The following PITPNC1 variants were observed in gnomAD, a reference collection of about 807,000 sequenced individuals.
PITPNC1 encodes phosphatidylinositol transfer protein cytoplasmic 1, also known as cytoplasmic phosphatidylinositol transfer protein 1.
In PITPNC1, 18 loss-of-function variants were observed where a neutral mutation model predicts 44.7. The ratio of observed to expected loss-of-function variants is 0.40; its 90% CI spans 0.28 to 0.60. The LOEUF (loss-of-function observed/expected upper bound fraction) is 0.60, where lower values mean the gene tolerates loss of function less well. PITPNC1 is among the 20% of genes least tolerant of loss of function. PITPNC1 has a pLI of 0.39. For synonymous variants in PITPNC1, 141 were observed against 149.6 expected (o/e 0.94, Z 0.42); for missense variants, 290 against 418.4 (o/e 0.69, Z 2.68).
At chr17:67,481,585 C>G (rs1000543193) in intron 1 of PITPNC1, among the ~76,000 whole-genome samples, 4 of 152,100 alleles carry the variant, frequency 2.6e-5, no homozygotes, top group Admixed American at 1.3e-4. Flanking sequence ...GCGATTCCCC[C>G]ACCTTGGCCT....
chr17:67,489,153 T>C (rs1445105732), intron 1 of PITPNC1, among the ~76,000 whole-genome samples: 1 of 152,172 alleles, frequency 6.6e-6, no homozygotes, highest in African/African-American at 2.4e-5. Flanking sequence ...GACTCCTTTT[T>C]TAAAAAAGAA....
intron 5 of PITPNC1, among the ~76,000 whole-genome samples, chr17:67,588,106 C>T (rs894318228): frequency 1.3e-5 from 2 of 152,144 alleles, no homozygotes; most frequent in Non-Finnish European, 2.9e-5. Context: ...CAGGTTCAAA[C>T]GATTCTATTG....
rs370285721 is a variant in PITPNC1, at chr17:67,628,187, G to A, written c.367-3956G>A. 4.6e-4 allele frequency among the ~76,000 whole-genome samples: 70 copies of A among 152,184 alleles called. No individual in the cohort carries two copies. In the South Asian group the frequency reaches 0.014, roughly 30 times the overall value. ...CTAAGTGCTGGGATTACAGGTGTAAGCCACTGCGGCCAGCTGACAGCCTAT... is the reference window on the plus strand; with the variant it reads ...CTAAGTGCTGGGATTACAGGTGTAAACCACTGCGGCCAGCTGACAGCCTAT... On this transcript the variant is annotated intron_variant, in intron 5 of 8. Coordinates refer to ENST00000581322, the MANE Select transcript of PITPNC1 (RefSeq NM_012417.4).
chr17:67,660,000 C>A (rs1045412938), intron 6 of PITPNC1, among the ~76,000 whole-genome samples: 3 of 152,278 alleles, frequency 2.0e-5, no homozygotes, highest in African/African-American at 7.2e-5. Flanking sequence ...TGTGCCTCAG[C>A]CTCCCAAGTA....
At chr17:67,681,873 C>T (rs2042715534) in intron 8 of PITPNC1, among the ~76,000 whole-genome samples, 1 of 151,754 alleles carries the variant, frequency 6.6e-6, no homozygotes, top group Non-Finnish European at 1.5e-5. Context: ...AACTTATGAC[C>T]CAGCCAATCC....
intron 1 of PITPNC1, among the ~76,000 whole-genome samples, chr17:67,460,802 C>A (rs374512523): frequency 2.1e-5 from 3 of 141,970 alleles, no homozygotes; most frequent in African/African-American, 7.9e-5. Context: ...TGGAATGCAG[C>A]GGCGCGACGG....
At chr17:67,442,152 T>A (rs1487716864) in intron 1 of PITPNC1, among the ~76,000 whole-genome samples, 1 of 143,660 alleles carries the variant, frequency 7.0e-6, no homozygotes, top group Non-Finnish European at 1.5e-5. Flanking sequence ...ATTGCTATGT[T>A]GATTGCACTG....
intron 1 of PITPNC1, among the ~76,000 whole-genome samples, chr17:67,516,967 C>T (rs1242118821): frequency 1.4e-5 from 2 of 147,526 alleles, no homozygotes; most frequent in African/African-American, 2.5e-5. Context: ...CACCCCCCAC[C>T]AACAACAGTA....
At chr17:67,427,839 G>T (rs185855990) in intron 1 of PITPNC1, among the ~76,000 whole-genome samples, 1 of 152,288 alleles carries the variant, frequency 6.6e-6, no homozygotes, top group African/African-American at 2.4e-5. Flanking sequence ...CGTGAGCAAG[G>T]TGCCTAGAAA....
rs75920807 is a variant in PITPNC1 at position 67,658,056 on chromosome 17, A to G, written c.463-11452A>G. On this transcript the variant is annotated intron_variant, in intron 6 of 8. Coordinates refer to ENST00000581322, the MANE Select transcript of PITPNC1 (RefSeq NM_012417.4). Reference sequence around the variant, plus strand: ...GGGAGGGCAAGGTCGGGCACAGCCAACTGGTCCAGGTTCCTCTTGCTCAGT... The same window carrying G: ...GGGAGGGCAAGGTCGGGCACAGCCAGCTGGTCCAGGTTCCTCTTGCTCAGT... 4.1e-4 allele frequency among the ~76,000 whole-genome samples: 62 copies of G among 152,350 alleles called. No individual in the cohort carries two copies. In the East Asian group the frequency reaches 0.01, roughly 25 times the overall value.
At position 67,575,822 on chromosome 17, in the gene PITPNC1, C is replaced by CTTT. The variant is rs1272862550; in HGVS notation, c.295-2364_295-2363insTTT. ...TCTTTCTTTCTTTCTTTCTTTCTTT[C>CTTT]CTTCCTTCCTTCCTTCCTTCTTTCT... is the stretch of plus-strand genomic sequence containing the variant. On this transcript the variant is annotated intron_variant, in intron 4 of 8. Coordinates refer to ENST00000581322, the MANE Select transcript of PITPNC1 (RefSeq NM_012417.4). 3.4e-3 allele frequency among the ~76,000 whole-genome samples: 237 copies of CTTT among 69,600 alleles called. 2 individuals carry two copies. Among genetic ancestry groups the CTTT allele is most frequent in the African/African-American group, 0.011 (220 of 20,138 alleles). The allele number at this position is 69,600 out of a possible 152,430, so 45.7% of individuals were successfully genotyped here. A position where few individuals can be genotyped will look rare whatever the true frequency, so the allele number is the denominator to read the frequency against.
At chr17:67,590,171 TGAAAC>T (rs1170432797) in intron 5 of PITPNC1, among the ~76,000 whole-genome samples, 1 of 152,040 alleles carries the variant, frequency 6.6e-6, no homozygotes, top group Non-Finnish European at 1.5e-5. Context: ...TCAAAAATAA[TGAAAC>T]CAAATCAACA....
intron 1 of PITPNC1, among the ~76,000 whole-genome samples, chr17:67,390,897 T>A (rs1222092683): frequency 2.6e-5 from 4 of 152,162 alleles, no homozygotes; most frequent in African/African-American, 9.7e-5. Flanking sequence ...TCACCAAGAT[T>A]CTGACATCAA....
In PITPNC1 at chr17:67,454,265, C is replaced by T. The variant is rs928613798; in HGVS notation, c.48+76063C>T. Among the ~76,000 whole-genome samples, 14 of 143,676 alleles carry T rather than the reference C, an allele frequency of 9.7e-5. No individual in the cohort carries two copies. In the South Asian group the frequency reaches 1.5e-3, roughly 16 times the overall value. The allele number at this position is 143,676 out of a possible 152,430, so 94.3% of individuals were successfully genotyped here. A position where few individuals can be genotyped will look rare whatever the true frequency, so the allele number is the denominator to read the frequency against. ...GACTCCGTTCTCAAAAAAAAAAAAA[C>T]AAAACCCAAAAGAGGACAGGCTCTA... is the stretch of plus-strand genomic sequence containing the variant. On this transcript the variant is annotated intron_variant, in intron 1 of 8. Transcript: ENST00000581322.
chr17:67,532,379 C>T (rs2040473535), intron 1 of PITPNC1, among the ~76,000 whole-genome samples: 1 of 152,138 alleles, frequency 6.6e-6, no homozygotes, highest in South Asian at 2.1e-4. Flanking sequence ...ATCTAATGCT[C>T]CCTGTTCAGC....
chr17:67,642,063 TCA>T (rs1467605618), intron 6 of PITPNC1, among the ~76,000 whole-genome samples: 2 of 152,090 alleles, frequency 1.3e-5, no homozygotes, highest in Admixed American at 1.3e-4. Context: ...TGCCCCTGAC[TCA>T]CACTTGGATG....
intron 8 of PITPNC1, among the ~76,000 whole-genome samples, chr17:67,688,449 G>A (rs959887202): frequency 6.6e-6 from 1 of 151,448 alleles, no homozygotes; most frequent in African/African-American, 2.4e-5. Flanking sequence ...GAAATTTTTA[G>A]TTAAATTTTT....
intron 8 of PITPNC1, among the ~76,000 whole-genome samples, chr17:67,690,141 C>A (rs1490377123): frequency 6.6e-6 from 1 of 152,162 alleles, no homozygotes; most frequent in East Asian, 1.9e-4. Context: ...CTGGTTTGCT[C>A]AGATGTTATA....
At chr17:67,385,703 C>G (rs893344863) in intron 1 of PITPNC1, among the ~76,000 whole-genome samples, 3 of 151,920 alleles carry the variant, frequency 2.0e-5, no homozygotes, top group Non-Finnish European at 2.9e-5. Flanking sequence ...AGTTCCACAG[C>G]CAGGGGACAG....
Sources: gnomAD v4.1 joint callset for allele counts (sites outside exome capture counted in the v4.1 genomes callset) on GRCh38, gnomAD v4.1.1 for gene constraint, MANE v1.5 for transcripts, NCBI Gene and HGNC (gene_info 2026-07-23, HGNC 2026-07-21) for gene names.